SLIT1: variants seen among roughly 807,000 people sequenced by gnomAD.
SLIT1 encodes slit homolog 1 protein.
In SLIT1, 66 loss-of-function variants were observed where a neutral mutation model predicts 186.1. The ratio of observed to expected loss-of-function variants is 0.35; its 90% CI spans 0.29 to 0.44. The LOEUF is 0.44. SLIT1 is among the 20% of genes least tolerant of loss of function. The pLI is 1.00. For synonymous variants in SLIT1, 761 were observed against 833.8 expected (o/e 0.91, Z 1.50); for missense variants, 1,638 against 2,037.4 (o/e 0.80, Z 3.77).
intron 1 of SLIT1, among the ~76,000 whole-genome samples, chr10:97,166,419 G>A (rs1850107590): frequency 6.6e-6 from 1 of 151,560 alleles, no homozygotes; most frequent in Admixed American, 6.6e-5. Flanking sequence ...GGGAGGCTGA[G>A]GCAGGAGAAC....
chr10:97,054,882 A>G (rs1848822912), intron 13 of SLIT1, among the ~76,000 whole-genome samples: 1 of 152,364 alleles, frequency 6.6e-6, no homozygotes, highest in Non-Finnish European at 1.5e-5. Context: ...AGCCAGTTAT[A>G]TTGCACAGGC....
In SLIT1 at chr10:97,002,914, C is replaced by T. The variant is rs762205152; in HGVS notation, c.3944G>A (p.Arg1315Gln). The T allele has an allele frequency of 4.3e-6, 7 of 1,614,094 alleles. No homozygotes were observed. The highest frequency in any genetic ancestry group is 1.3e-5 in the African/African-American group (1 of 74,930). Residue 1315 changes from arginine to glutamine, a missense_variant, in exon 35 of 37, where the codon CGA becomes CAA. By Grantham distance (43) the Arg-to-Gln change is conservative (BLOSUM62 1). Coordinates refer to ENST00000266058, the MANE Select transcript of SLIT1 (RefSeq NM_003061.3). ...LNGTGFHGCI[R>Q]NLYINNELQD... ...CAGCTCGTTGTTGATGTACAGGTTT[C>T]GGATGCAACCGTGGAAGCCGGTGCC... is the stretch of plus-strand genomic sequence containing the variant.
chr10:97,048,849 G>GGGGA lies in SLIT1; in HGVS notation c.1465+105_1465+106insTCCC. 10 of 1,156,464 alleles carry GGGGA rather than the reference G, an allele frequency of 8.6e-6. 1 individual carries two copies. In the Admixed American group the frequency reaches 1.2e-4, roughly 14 times the overall value. The allele number at this position is 1,156,464 out of a possible 1,614,324, so 71.6% of individuals were successfully genotyped here. A position where few individuals can be genotyped will look rare whatever the true frequency, so the allele number is the denominator to read the frequency against. On this transcript the variant is annotated intron_variant, in intron 14 of 36. Coordinates refer to ENST00000266058, the MANE Select transcript of SLIT1 (RefSeq NM_003061.3). ...TAGGCAGGCAGGCAAGTGAGCAGGC[G>GGGGA]GGTAGGTGGGCAGGTGGGCAGGTAT... is the stretch of plus-strand genomic sequence containing the variant.
intron 4 of SLIT1, among the ~76,000 whole-genome samples, chr10:97,091,521 C>A (rs1251796986): frequency 3.3e-5 from 5 of 152,178 alleles, no homozygotes; most frequent in African/African-American, 1.2e-4. Context: ...TTTCAGTGTT[C>A]CCTGTCTTTC....
In SLIT1 at chr10:97,001,117, C is replaced by G. The variant is rs757092109; in HGVS notation, c.4600G>C (p.Ala1534Pro). The change falls in exon 37 of 37, where the codon GCA (alanine) becomes CCA (proline). Residue 1534 changes from alanine (A) to proline (P), a missense_variant. Physicochemically the swap from Ala to Pro is conservative, Grantham distance 27 (BLOSUM62 -1). Around this residue, in one of 3 missense-constraint regions of SLIT1, gnomAD observed 220 missense variants for 211.3 expected, o/e 1.04. Transcript: ENST00000266058. ...KPTKCGCALC[A>P] Reference sequence around the variant, plus strand: ...CGGCCTGTCCACGCCCAGCGCTATGCGCAGAGGGCACAGCCACACTTGGTG... The same window carrying G: ...CGGCCTGTCCACGCCCAGCGCTATGGGCAGAGGGCACAGCCACACTTGGTG... The G allele has an allele frequency of 5.0e-6, 8 of 1,611,994 alleles. No individual in the cohort carries two copies. In the Admixed American group the frequency reaches 6.7e-5, roughly 13 times the overall value.
rs187774842 is a variant in SLIT1 at position 97,145,021 on chromosome 10, C to A, written c.413+12797G>T. On this transcript the variant is annotated intron_variant, in intron 4 of 36. Transcript: ENST00000266058. ...AAAGAGAGGACTCAATGCCAAGGAA[C>A]CTAACTTCCAACTGGAAGAGCCAGC... Among the ~76,000 whole-genome samples the A allele has an allele frequency of 6.6e-5, 10 of 152,282 alleles. No individual in the cohort carries two copies. In the East Asian group the frequency reaches 1.9e-3, roughly 29 times the overall value.
intron 4 of SLIT1, among the ~76,000 whole-genome samples, chr10:97,143,074 A>C (rs988780504): frequency 6.6e-6 from 1 of 152,246 alleles, no homozygotes; most frequent in Non-Finnish European, 1.5e-5. Flanking sequence ...GCAGTATGAC[A>C]CTTACTCAAA....
rs1564665641 is a variant in SLIT1, at chr10:97,063,497, G to C, written c.751C>G (p.Leu251Val). Residue 251 changes from leucine to valine, a missense_variant, in exon 8 of 37, where the codon CTC (leucine) becomes GTC (valine). By Grantham distance (32) the Leu-to-Val change is conservative. Around this residue, in one of 3 missense-constraint regions of SLIT1, gnomAD observed 1,245 missense variants for 1,535.3 expected, o/e 0.81. Coordinates refer to ENST00000266058, the MANE Select transcript of SLIT1 (RefSeq NM_003061.3). Reference protein sequence around the residue: ...QCSGPASLRGLNVAEVQKSEF... With the variant: ...QCSGPASLRGVNVAEVQKSEF... ...CTCTTCTGGACCTCTGCCACATTGA[G>C]GCCACGCAGGCTGGCTGGGCCCGAG... The C allele has an allele frequency of 6.2e-7, 1 of 1,613,066 alleles. No individual in the cohort carries two copies. Among genetic ancestry groups the C allele is most frequent in the Non-Finnish European group, 8.5e-7 (1 of 1,179,960 alleles).
intron 4 of SLIT1, among the ~76,000 whole-genome samples, chr10:97,116,185 A>G (rs1000135990): frequency 6.6e-6 from 1 of 152,164 alleles, no homozygotes; most frequent in African/African-American, 2.4e-5. Flanking sequence ...CAGGTACTGA[A>G]TAAGTCTTCA....
At chr10:97,179,422 G>A (rs970689936) in intron 1 of SLIT1, among the ~76,000 whole-genome samples, 1 of 152,020 alleles carries the variant, frequency 6.6e-6, no homozygotes, top group Non-Finnish European at 1.5e-5. Context: ...GTGAGATCCC[G>A]TCTCAAAAAA....
At chr10:97,110,245 A>G (rs143008289) in intron 4 of SLIT1, among the ~76,000 whole-genome samples, 72 of 152,294 alleles carry the variant, frequency 4.7e-4, no homozygotes, top group African/African-American at 1.6e-3. Flanking sequence ...CTCTCCTCAT[A>G]GGCTTTACAT....
intron 4 of SLIT1, among the ~76,000 whole-genome samples, chr10:97,100,433 G>A (rs977232282): frequency 1.3e-5 from 2 of 152,206 alleles, no homozygotes; most frequent in East Asian, 3.9e-4. Context: ...AGTCCAGCCT[G>A]GCCAACATGG....
rs1238535064 is a variant in SLIT1 at position 97,048,975 on chromosome 10, C to T, written c.1445G>A (p.Ser482Asn). 4 of 1,608,730 alleles carry T rather than the reference C, an allele frequency of 2.5e-6. No individual in the cohort carries two copies. The highest frequency in any genetic ancestry group is 2.2e-5 in the East Asian group (1 of 44,868). The change falls in exon 14 of 37, where the codon AGC (serine) becomes AAC (asparagine). Residue 482 changes from serine (S) to asparagine (N), a missense_variant. By Grantham distance (46) the Ser-to-Asn change is conservative. This residue lies in a region of SLIT1 where 1,245 missense variants were observed against 1,535.3 expected (regional missense o/e 0.81). Coordinates refer to ENST00000266058, the MANE Select transcript of SLIT1 (RefSeq NM_003061.3). ...GGTACCTGAGCACCGGAACTTCTTG[C>T]TCTTGATCTGCCCGATGCGCTTGTT... ...LANKRIGQIK[S>N]KKFRCSAKEQ...
intron 4 of SLIT1, among the ~76,000 whole-genome samples, chr10:97,116,754 G>T (rs1210391215): frequency 6.6e-6 from 1 of 152,174 alleles, no homozygotes; most frequent in East Asian, 1.9e-4. Context: ...CACCAGGCCT[G>T]GTCCTCACCC....
intron 4 of SLIT1, among the ~76,000 whole-genome samples, chr10:97,098,931 C>A (rs1425465583): frequency 2.6e-5 from 4 of 152,126 alleles, no homozygotes; most frequent in Non-Finnish European, 5.9e-5. Context: ...TGGCCCTGGA[C>A]AGGACACTCA....
chr10:97,141,681 T>TATC lies in SLIT1; in HGVS notation c.413+16136_413+16137insGAT, dbSNP rs1554853325. The stretch of plus-strand genomic sequence containing the variant: ...TGTATTGCATTGCATTGTATCGTAT[T>TATC]GTATCGTATCGTATCGTATCGTATT... On this transcript the variant is annotated intron_variant, in intron 4 of 36. Coordinates refer to ENST00000266058, the MANE Select transcript of SLIT1 (RefSeq NM_003061.3). Among the ~76,000 whole-genome samples the TATC allele has an allele frequency of 1.6e-3, 221 of 140,984 alleles. 1 individual carries two copies. The highest frequency in any genetic ancestry group is 7.1e-3 in the Middle Eastern group (2 of 280). 92.5% of individuals were successfully genotyped at this position (140,984 alleles called of 152,430 possible). A position where few individuals can be genotyped will look rare whatever the true frequency, so the allele number is the denominator to read the frequency against.
At chr10:97,129,965 C>G (rs900371791) in intron 4 of SLIT1, among the ~76,000 whole-genome samples, 1 of 152,136 alleles carries the variant, frequency 6.6e-6, no homozygotes, top group African/African-American at 2.4e-5. Context: ...GTTCTCAGGC[C>G]CTGGCATTGC....
intron 4 of SLIT1, among the ~76,000 whole-genome samples, chr10:97,074,055 C>T (rs1481691067): frequency 1.3e-5 from 2 of 152,130 alleles, no homozygotes; most frequent in African/African-American, 2.4e-5. Flanking sequence ...GCTCTATCTG[C>T]AACAGGCTCC....
intron 4 of SLIT1, among the ~76,000 whole-genome samples, chr10:97,155,633 G>A (rs1199176630): frequency 1.3e-5 from 2 of 152,142 alleles, no homozygotes; most frequent in Non-Finnish European, 2.9e-5. Context: ...AGAGCTTGAC[G>A]GCAACTGTAC....
Sources: allele counts gnomAD v4.1 joint callset (sites outside exome capture counted in the v4.1 genomes callset), GRCh38; gene constraint gnomAD v4.1.1; regional missense constraint gnomAD v4.1.1; transcripts MANE v1.5; gene names NCBI Gene and HGNC (gene_info 2026-07-23, HGNC 2026-07-21).